Variants in MSRA observed in about 807,000 individuals in gnomAD.
The protein encoded by MSRA is methionine sulfoxide reductase A.
In MSRA, 54 loss-of-function variants were observed where a neutral mutation model predicts 31.3. That is an observed-to-expected ratio of 1.73 (90% confidence interval 1.39 to 2.17). MSRA has a LOEUF of 2.17. MSRA is among the 30% of genes most tolerant of loss of function. The pLI, the probability that MSRA is intolerant of heterozygous loss-of-function variation, is 0.00. For missense variants in MSRA, 507 were observed against 300.9 expected, an observed-to-expected ratio of 1.69 and a Z score of -5.07; for synonymous variants, 169 against 116.5, an observed-to-expected ratio of 1.45 and a Z score of -2.90.
intron 5 of MSRA, among the ~76,000 whole-genome samples, chr8:10,351,245 C>CTTTTTTTTT (rs71203317): frequency 1.8e-5 from 1 of 56,806 alleles, no homozygotes; most frequent in African/African-American, 7.0e-5. Context: ...CTGAAGGAGA[C>CTTTTTTTTT]TTTTTTTTTT....
intron 5 of MSRA, among the ~76,000 whole-genome samples, chr8:10,397,511 G>A (rs890438824): frequency 6.6e-6 from 1 of 152,138 alleles, no homozygotes; most frequent in African/African-American, 2.4e-5. Flanking sequence ...CTCTTCTTTG[G>A]GAGTGTTCAC....
chr8:10,298,987 G>T (rs137864371), intron 3 of MSRA, among the ~76,000 whole-genome samples: 192 of 152,254 alleles, frequency 1.3e-3, no homozygotes, highest in Non-Finnish European at 2.0e-3. Flanking sequence ...TTTCAGAAAA[G>T]ATTTAGTGAT....
chr8:10,287,455 C>T (rs768014977), intron 3 of MSRA, among the ~76,000 whole-genome samples: 37 of 152,296 alleles, frequency 2.4e-4, no homozygotes, highest in Middle Eastern at 3.4e-3. Flanking sequence ...GTATCATCAT[C>T]ATCCCACGCT....
intron 5 of MSRA, among the ~76,000 whole-genome samples, chr8:10,363,767 C>CACACACACACACAT (rs1804998128): frequency 1.3e-5 from 2 of 151,188 alleles, no homozygotes; most frequent in African/African-American, 2.4e-5. Context: ...CACACACACA[C>CACACACACACACAT]ACACACACAC....
At chr8:10,396,410 T>C (rs1362884405) in intron 5 of MSRA, among the ~76,000 whole-genome samples, 2 of 152,194 alleles carry the variant, frequency 1.3e-5, no homozygotes, top group Admixed American at 1.3e-4. Context: ...AAAGTCTATA[T>C]CATCAAAGGA....
intron 1 of MSRA, among the ~76,000 whole-genome samples, chr8:10,069,510 G>A (rs1455121891): frequency 6.6e-6 from 1 of 152,240 alleles, no homozygotes; most frequent in Non-Finnish European, 1.5e-5. Flanking sequence ...GCAAGTCCAT[G>A]ATCACCGTCA....
intron 1 of MSRA, among the ~76,000 whole-genome samples, chr8:10,200,163 G>T (rs772566005): frequency 6.6e-6 from 1 of 152,212 alleles, no homozygotes. Context: ...CCGTTCTGCT[G>T]CGTCTGGAGC....
chr8:10,313,990 C>T (rs1233928362), intron 4 of MSRA, among the ~76,000 whole-genome samples: 8 of 152,102 alleles, frequency 5.3e-5, no homozygotes, highest in African/African-American at 1.9e-4. Context: ...TGCCTCACAC[C>T]ATACACAAAA....
At chr8:10,155,384 C>T (rs1279447985) in intron 1 of MSRA, among the ~76,000 whole-genome samples, 2 of 152,142 alleles carry the variant, frequency 1.3e-5, no homozygotes, top group South Asian at 2.1e-4. Context: ...AAAATACACC[C>T]ACGCTCTCTC....
intron 1 of MSRA, among the ~76,000 whole-genome samples, chr8:10,176,309 T>G (rs1806046357): frequency 6.6e-6 from 1 of 152,226 alleles, no homozygotes; most frequent in East Asian, 1.9e-4. Flanking sequence ...AAATCAAGCC[T>G]CCTCAGAGAT....
chr8:10,111,253 G>A (rs1170162251), intron 1 of MSRA, among the ~76,000 whole-genome samples: 1 of 152,166 alleles, frequency 6.6e-6, no homozygotes, highest in Non-Finnish European at 1.5e-5. Flanking sequence ...ACAGGGTGCT[G>A]GATGACAAGT....
At chr8:10,227,711 T>G (rs150449589) in intron 2 of MSRA, among the ~76,000 whole-genome samples, 1 of 152,234 alleles carries the variant, frequency 6.6e-6, no homozygotes, top group East Asian at 1.9e-4. Context: ...GAAAAATTAA[T>G]CAAATTAAAG....
intron 2 of MSRA, among the ~76,000 whole-genome samples, chr8:10,221,914 T>G (rs1810538441): frequency 6.6e-6 from 1 of 152,168 alleles, no homozygotes; most frequent in Non-Finnish European, 1.5e-5. Flanking sequence ...GAGGCCTGTG[T>G]GGCTGGCGTG....
At chr8:10,214,205 C>T (rs948723861) in intron 2 of MSRA, among the ~76,000 whole-genome samples, 3 of 152,118 alleles carry the variant, frequency 2.0e-5, no homozygotes, top group Admixed American at 6.5e-5. Context: ...CGAGTGTTCG[C>T]GTGACCTTTT....
chr8:10,401,048 A>G (rs1178247170), intron 5 of MSRA, among the ~76,000 whole-genome samples: 4 of 152,046 alleles, frequency 2.6e-5, no homozygotes, highest in African/African-American at 9.7e-5. Context: ...AAAAAAAGAA[A>G]TTGGATTTCA....
chr8:10,161,759 C>T (rs1804672937), intron 1 of MSRA, among the ~76,000 whole-genome samples: 1 of 151,890 alleles, frequency 6.6e-6, no homozygotes, highest in African/African-American at 2.4e-5. Flanking sequence ...ATCTGGGCAG[C>T]GATGGAACAG....
chr8:10,181,889 G>T (rs1806574694), intron 1 of MSRA, among the ~76,000 whole-genome samples: 2 of 152,156 alleles, frequency 1.3e-5, no homozygotes. Flanking sequence ...CTGACCCCAA[G>T]TGCCTTGGCT....
chr8:10,401,297 G>A (rs1336451789), intron 5 of MSRA, among the ~76,000 whole-genome samples: 3 of 152,194 alleles, frequency 2.0e-5, no homozygotes, highest in African/African-American at 7.2e-5. Flanking sequence ...TAATAAGCAC[G>A]TGAAAGGATC....
intron 1 of MSRA, among the ~76,000 whole-genome samples, chr8:10,076,864 T>C (rs814412): frequency 0.23 from 35,032 of 149,790 alleles, 4,215 homozygotes; most frequent in Admixed American, 0.28. Flanking sequence ...GAGCAGAGGA[T>C]GGGGGGCTGG....
Sources: allele counts gnomAD v4.1 joint callset (sites outside exome capture counted in the v4.1 genomes callset), GRCh38; gene constraint gnomAD v4.1.1; transcripts MANE v1.5; gene names NCBI Gene and HGNC (gene_info 2026-07-23, HGNC 2026-07-21).